Variants in PC observed in about 807,000 individuals in gnomAD.
PC encodes pyruvate carboxylase.
Under a neutral mutation model 107.8 loss-of-function variants are expected in PC, and 46 were observed. That is an observed-to-expected ratio of 0.43 (90% CI 0.34 to 0.55). PC has a LOEUF of 0.55. Ranked by LOEUF, PC falls within the 20% of genes least tolerant of loss-of-function variation. The pLI is 0.04. For synonymous variants in PC, 662 were observed against 684.7 expected, an observed-to-expected ratio of 0.97 and a Z score of 0.52; for missense variants, 1,241 against 1,643.1, an observed-to-expected ratio of 0.76 and a Z score of 4.23.
chr11:66,877,591 T>A (rs939807744), intron 3 of PC, among the ~76,000 whole-genome samples: 4 of 152,190 alleles, frequency 2.6e-5, no homozygotes, highest in Non-Finnish European at 5.9e-5. Context: ...TCATTACTAT[T>A]CCAGAAATCC....
intron 3 of PC, among the ~76,000 whole-genome samples, chr11:66,915,238 G>T (rs575612594): frequency 6.6e-6 from 1 of 152,118 alleles, no homozygotes; most frequent in Non-Finnish European, 1.5e-5. Context: ...CCTGCCTAAG[G>T]TTCCCCATGT....
rs745327162 is a variant in PC, at chr11:66,851,798, C to T, written c.1974G>A (p.Val658=). 6.2e-7 allele frequency: 1 copy of T among 1,614,150 alleles called. No homozygotes were observed. The highest frequency in any genetic ancestry group is 2.2e-5 in the East Asian group (1 of 44,888). The change falls in exon 16 of 23, where the codon GTG becomes GTA. Residue 658 remains valine (V), a synonymous_variant. Coordinates refer to ENST00000393960, the MANE Select transcript of PC (RefSeq NM_001040716.2). ...AVGYTNYPDN[V]VFKFCEVAKE... is the part of the protein sequence containing the mutation. ...CCCCACCCCAGGCTCACTTGAAGAC[C>T]ACGTTGTCTGGGTAGTTGGTGTAGC...
At chr11:66,914,520 A>G (rs561013740) in intron 3 of PC, among the ~76,000 whole-genome samples, 16 of 151,908 alleles carry the variant, frequency 1.1e-4, no homozygotes, top group South Asian at 6.2e-4. Context: ...TCAAAAAAAA[A>G]AAAGAAAGAA....
Position 66,857,985 on chromosome 11 carries a change from C to T in PC, c.1369-4602G>A, listed in dbSNP as rs1945971340. 1.9e-6 allele frequency: 3 copies of T among 1,612,524 alleles called. No homozygotes were observed. Among genetic ancestry groups the T allele is most frequent in the Non-Finnish European group, 2.5e-6 (3 of 1,179,940 alleles). On this transcript the variant is annotated intron_variant, in intron 12 of 22. Transcript: ENST00000393960. This position sits in a 1 kb window ranked among gnomAD's most constrained non-coding sequence, Gnocchi z 7.1. ...GGGACTGGTGGACCTGACACTGTCT[C>T]GCAATGCCATCACCCGCATTGGGGC...
chr11:66,884,285 A>G (rs1486783139), intron 3 of PC, among the ~76,000 whole-genome samples: 9 of 151,830 alleles, frequency 5.9e-5, no homozygotes, highest in African/African-American at 2.2e-4. Context: ...GGTGGTGCCC[A>G]TAGATAGTCT....
intron 3 of PC, among the ~76,000 whole-genome samples, chr11:66,946,002 C>A (rs1183435929): frequency 6.8e-6 from 1 of 148,080 alleles, no homozygotes. Context: ...AGGAGAATGG[C>A]GTGAACCCGG....
At chr11:66,912,864 A>G (rs2136074441) in intron 3 of PC, among the ~76,000 whole-genome samples, 1 of 152,230 alleles carries the variant, frequency 6.6e-6, no homozygotes, top group East Asian at 1.9e-4. Flanking sequence ...AATTCCCACC[A>G]CATTCCCTTC....
chr11:66,855,056 C>G (rs959657093), intron 12 of PC, among the ~76,000 whole-genome samples: 1 of 152,272 alleles, frequency 6.6e-6, no homozygotes, highest in African/African-American at 2.4e-5. Flanking sequence ...GGAACCTGCA[C>G]GGGCAGGGCT....
chr11:66,853,239 C>T lies in PC; in HGVS notation c.1513G>A (p.Gly505Ser). 3.7e-6 allele frequency: 6 copies of T among 1,613,692 alleles called. No individual in the cohort carries two copies. The highest frequency in any genetic ancestry group is 1.3e-5 in the African/African-American group (1 of 74,930). The change falls in exon 13 of 23, where the codon GGC (glycine) becomes AGC (serine). Residue 505 changes from glycine to serine, a missense_variant and splice_region_variant. This residue lies in a region of PC where 1,143 missense variants were observed against 1,551.9 expected (regional missense o/e 0.74). Coordinates refer to ENST00000393960, the MANE Select transcript of PC (RefSeq NM_001040716.2). ...NRAQKLLHYL[G>S]HVMVNGPTTP... ...AGGGCAGGGCAGTCTCGGGCCAGAC[C>T]GAGGTAGTGCAACAGCTTTTGGGCC... is the stretch of plus-strand genomic sequence containing the variant.
chr11:66,871,262 T>A lies in PC; in HGVS notation c.487+53A>T. 4 of 1,614,038 alleles carry A rather than the reference T, an allele frequency of 2.5e-6. No individual in the cohort carries two copies. The highest frequency in any genetic ancestry group is 1.6e-4 in the Middle Eastern group (1 of 6,062). On this transcript the variant is annotated intron_variant, in intron 6 of 22. Transcript: ENST00000393960. This position sits in a 1 kb window ranked among gnomAD's most constrained non-coding sequence, Gnocchi z 7.4. ...GGGAATCCCTGCCACCCCTCCCTGC[T>A]GGACCCTCTCCAGGAGCTGCGGGGC...
intron 3 of PC, among the ~76,000 whole-genome samples, chr11:66,920,625 C>A (rs1050909517): frequency 6.6e-6 from 1 of 152,094 alleles, no homozygotes; most frequent in Non-Finnish European, 1.5e-5. Context: ...TCTTTGTCTT[C>A]GCCGCACCCT....
intron 3 of PC, among the ~76,000 whole-genome samples, chr11:66,900,607 T>A (rs1403034577): frequency 6.6e-6 from 1 of 152,256 alleles, no homozygotes; most frequent in African/African-American, 2.4e-5. Flanking sequence ...TATTGCCATC[T>A]TAACAATATT....
intron 3 of PC, among the ~76,000 whole-genome samples, chr11:66,940,419 G>A (rs1432628468): frequency 1.3e-5 from 2 of 151,994 alleles, no homozygotes; most frequent in Non-Finnish European, 2.9e-5. Flanking sequence ...CAGGTGCAGT[G>A]GCTCATGTCT....
chr11:66,860,806 A>G (rs1946216874), intron 12 of PC: 2 of 683,336 alleles, frequency 2.9e-6, no homozygotes, highest in Non-Finnish European at 5.3e-6. Flanking sequence ...TCCCCATGGC[A>G]CTTCAGGGTC....
chr11:66,875,325 GGAA>G (rs1202984716), intron 3 of PC, among the ~76,000 whole-genome samples: 1 of 152,140 alleles, frequency 6.6e-6, no homozygotes, highest in Non-Finnish European at 1.5e-5. Flanking sequence ...GCAAGGTAGA[GGAA>G]GAAATCCTGT....
intron 3 of PC, among the ~76,000 whole-genome samples, chr11:66,875,422 G>T (rs567746681): frequency 2.6e-5 from 4 of 152,114 alleles, no homozygotes; most frequent in Non-Finnish European, 4.4e-5. Context: ...GCTCACAGAG[G>T]GGGAAGAGCA....
chr11:66,868,872 C>A lies in PC; in HGVS notation c.996G>T (p.Glu332Asp), dbSNP rs772529714. Reference sequence around the variant, plus strand: ...CGGTGATCTCCTCTGTGACCGTGTGCTCCACCTGCAGGCGGGAGTTGACCT... The same window carrying A: ...CGGTGATCTCCTCTGTGACCGTGTGATCCACCTGCAGGCGGGAGTTGACCT... ...FIEVNSRLQV[E>D]HTVTEEITDV... Residue 332 changes from glutamate (E) to aspartate (D), a missense_variant, in exon 10 of 23, where the codon GAG (glutamate) becomes GAT (aspartate). Physicochemically the swap from Glu to Asp is conservative, Grantham distance 45 (BLOSUM62 2). Coordinates refer to ENST00000393960, the MANE Select transcript of PC (RefSeq NM_001040716.2). 6.2e-7 allele frequency: 1 copy of A among 1,613,702 alleles called. No individual in the cohort carries two copies. Among genetic ancestry groups the A allele is most frequent in the Non-Finnish European group, 8.5e-7 (1 of 1,179,816 alleles).
rs141747865 is a variant in PC at position 66,939,697 on chromosome 11, G to A, written c.-1+12733C>T. On this transcript the variant is annotated intron_variant, in intron 3 of 22. Transcript: ENST00000393960. ...CGCATGCCTGTAATCCCAGCTACTC[G>A]GAAGGCTGAGGCAGGAGAATCACTT... Among the ~76,000 whole-genome samples, 100 of 151,350 alleles carry A rather than the reference G, an allele frequency of 6.6e-4. 2 individuals carry two copies. Among genetic ancestry groups the A allele is most frequent in the African/African-American group, 2.2e-3 (92 of 41,232 alleles).
At position 66,849,428 on chromosome 11, in the gene PC, G is replaced by A. The variant is rs1017530164; in HGVS notation, c.3148-58C>T. ...CGCCAAGGTGGGAGAGCAGTCCCCC[G>A]GCCCTGGCCATAGGAAGTCCCCACA... is the stretch of plus-strand genomic sequence containing the variant. On this transcript the variant is annotated intron_variant, in intron 21 of 22. Coordinates refer to ENST00000393960, the MANE Select transcript of PC (RefSeq NM_001040716.2). 29 of 1,608,784 alleles carry A rather than the reference G, an allele frequency of 1.8e-5. No individual in the cohort carries two copies. In the African/African-American group the frequency reaches 2.1e-4, roughly 12 times the overall value.
Sources: gnomAD v4.1 joint callset for allele counts (sites outside exome capture counted in the v4.1 genomes callset) on GRCh38, gnomAD v4.1.1 for gene constraint, gnomAD v4.1.1 regional missense constraint, Gnocchi (gnomAD v3.1) non-coding constraint, MANE v1.5 for transcripts, NCBI Gene and HGNC (gene_info 2026-07-23, HGNC 2026-07-21) for gene names.